The following NBPF26 variants were observed in gnomAD, a reference collection of about 807,000 sequenced individuals.
The protein encoded by NBPF26 is NBPF family member NBPF26.
NBPF26 carries 79 observed loss-of-function variants against 119.6 expected under a neutral mutation model. The observed-to-expected ratio is 0.66, with a 90% CI of 0.55 to 0.80. The LOEUF is 0.80. Among genes scored for constraint, NBPF26 ranks in the 30% least tolerant of loss-of-function variants. NBPF26 has a pLI of 0.00. For missense variants in NBPF26, 800 were observed against 1,198.2 expected, an observed-to-expected ratio of 0.67 and a Z score of 4.91; for synonymous variants, 299 against 457.7, an observed-to-expected ratio of 0.65 and a Z score of 4.43.
rs1197475410 is a variant in NBPF26 at position 120,811,139 on chromosome 1, T to C, written c.1564+581T>C. Among the ~76,000 whole-genome samples the C allele has an allele frequency of 3.8e-5, 4 of 105,422 alleles. 1 individual carries two copies. Among genetic ancestry groups the C allele is most frequent in the Non-Finnish European group, 7.2e-5 (4 of 55,574 alleles). 69.2% of individuals were successfully genotyped at this position (105,422 alleles called of 152,430 possible). A position where few individuals can be genotyped will look rare whatever the true frequency, so the allele number is the denominator to read the frequency against. Reference sequence around the variant, plus strand: ...GGTGGGTGCCTGTAGTCCCAGCTACTCAGGAGGCTGAGGCAGGAGAATGGC... The same window carrying C: ...GGTGGGTGCCTGTAGTCCCAGCTACCCAGGAGGCTGAGGCAGGAGAATGGC... On this transcript the variant is annotated intron_variant, in intron 9 of 29. Coordinates refer to ENST00000620612, the Ensembl canonical transcript of NBPF26.
At chr1:120,791,461 T>C (rs1209427056) in intron 3 of NBPF26, among the ~76,000 whole-genome samples, 1 of 101,858 alleles carries the variant, frequency 9.8e-6, no homozygotes, top group Non-Finnish European at 1.8e-5. Context: ...GGAATACTAT[T>C]CAGCCATAAA....
At chr1:120,810,220 G>A in intron 8 of NBPF26, 127 bp from the exon 9 acceptor site, 1 of 1,142,386 alleles carries the variant, frequency 8.8e-7, no homozygotes, top group Non-Finnish European at 1.2e-6. Flanking sequence ...TCCTCTTTAA[G>A]GGAACCTCCG....
At chr1:120,805,510 T>C (rs1651658861) in intron 4 of NBPF26, 46 bp from the exon 5 acceptor site, 4 of 1,268,886 alleles carry the variant, frequency 3.2e-6, no homozygotes, top group Non-Finnish European at 4.4e-6. Context: ...CCGATTTGAT[T>C]TCACCAGTTT....
At chr1:120,732,894 T>C (rs1650879745) in intron 1 of NBPF26, among the ~76,000 whole-genome samples, 1 of 107,840 alleles carries the variant, frequency 9.3e-6, no homozygotes, top group East Asian at 2.1e-4. Context: ...TTACAGATAA[T>C]TAACTCGTAT....
In NBPF26 at chr1:120,840,607, A is replaced by T; in HGVS notation, c.*14A>T. ...TTCCCACAATAAGCAGCCCTTACTA[A>T]GCCGAGAGGTGTCATTCCTGCAGGC... is the stretch of plus-strand genomic sequence containing the variant. On this transcript the variant is annotated 3_prime_UTR_variant, in exon 30 of 30. Coordinates refer to ENST00000620612, the Ensembl canonical transcript of NBPF26. 4.8e-6 allele frequency: 7 copies of T among 1,460,014 alleles called. 1 individual carries two copies. The highest frequency in any genetic ancestry group is 4.8e-4 in the Middle Eastern group (2 of 4,158). The allele number at this position is 1,460,014 out of a possible 1,614,324, so 90.4% of individuals were successfully genotyped here.
exon 30 of NBPF26, chr1:120,840,542 G>T: frequency 1.4e-6 from 2 of 1,468,548 alleles, no homozygotes; most frequent in Admixed American, 1.8e-5. Flanking sequence ...TTACTTTGAC[G>T]GTGACAAGTC....
chr1:120,814,430 C>T (rs1553271444), intron 11 of NBPF26, among the ~76,000 whole-genome samples: 6 of 108,106 alleles, frequency 5.6e-5, no homozygotes, highest in East Asian at 2.1e-4. Flanking sequence ...CTTTTCAATT[C>T]GCCCCATCTG....
At chr1:120,810,612 A>G (rs2101506097) in intron 9 of NBPF26, 54 bp downstream of exon 9, 3 of 1,351,162 alleles carry the variant, frequency 2.2e-6, no homozygotes, top group East Asian at 2.3e-5. Flanking sequence ...TGGAAGGTCA[A>G]TTCTGAGGAC....
At position 120,840,318 on chromosome 1, in the gene NBPF26, G is replaced by T. The variant is rs1553273389; in HGVS notation, c.4104-32G>T. Reference sequence around the variant, plus strand: ...GGCTCTGTGGTGTCCGATTTTCCCTGGCTGCTTCTTTAGTTTTGTCTCCTT... The same window carrying T: ...GGCTCTGTGGTGTCCGATTTTCCCTTGCTGCTTCTTTAGTTTTGTCTCCTT... On this transcript the variant is annotated intron_variant, in intron 29 of 29. Coordinates refer to ENST00000620612, the Ensembl canonical transcript of NBPF26. The T allele has an allele frequency of 2.3e-4, 329 of 1,443,492 alleles. 74 individuals carry two copies. Among genetic ancestry groups the T allele is most frequent in the Non-Finnish European group, 2.7e-4 (290 of 1,082,322 alleles). 89.4% of individuals were successfully genotyped at this position (1,443,492 alleles called of 1,614,324 possible).
At chr1:120,812,174 A>T in intron 10 of NBPF26, 79 bp downstream of exon 10, 1 of 914,384 alleles carries the variant, frequency 1.1e-6, no homozygotes, top group Non-Finnish European at 1.7e-6. Context: ...TGCTCTCTCC[A>T]TCAAAAATAA....
rs144324257 is a variant in NBPF26, at chr1:120,840,516, G to A, written c.4270G>A (p.Val1424Met). 1.7e-4 allele frequency: 256 copies of A among 1,474,390 alleles called. 47 individuals are homozygous for A. Among genetic ancestry groups the A allele is most frequent in the Admixed American group, 5.3e-4 (29 of 54,986 alleles). 91.3% of individuals were successfully genotyped at this position (1,474,390 alleles called of 1,614,324 possible). A position where few individuals can be genotyped will look rare whatever the true frequency, so the allele number is the denominator to read the frequency against. Residue 1424 changes from valine to methionine, a missense_variant, in exon 30 of 30, where the codon GTG becomes ATG. This residue lies in a region of NBPF26 where 155 missense variants were observed against 95.9 expected (regional missense o/e 1.62). Coordinates refer to ENST00000620612, the Ensembl canonical transcript of NBPF26. Reference sequence around the variant, plus strand: ...AGAGCATATCAGCTTCGCCCTTTACGTGGACAATAGGTTTTTTACTTTGAC... The same window carrying A: ...AGAGCATATCAGCTTCGCCCTTTACATGGACAATAGGTTTTTTACTTTGAC...
chr1:120,795,948 GTA>G (rs1244696146), intron 4 of NBPF26, among the ~76,000 whole-genome samples: 2,290 of 21,232 alleles, frequency 0.11, 483 homozygotes, highest in African/African-American at 0.34. Flanking sequence ...GTGTGTGTGT[GTA>G]TATGCCGTTG....
intron 4 of NBPF26, among the ~76,000 whole-genome samples, chr1:120,794,224 T>G (rs1431964867): frequency 8.7e-6 from 1 of 114,424 alleles, no homozygotes; most frequent in Non-Finnish European, 1.7e-5. Context: ...AAGATAGAAA[T>G]AAAAAGAGGA....
chr1:120,788,055 CTTCA>C (rs1651442480), intron 3 of NBPF26, among the ~76,000 whole-genome samples: 1 of 71,812 alleles, frequency 1.4e-5, no homozygotes, highest in African/African-American at 1.3e-4. Context: ...AGGCCCAAAC[CTTCA>C]TTCATCCAGG....
chr1:120,724,138 G>T (rs1357506191), exon 1 of NBPF26: 2 of 1,363,620 alleles, frequency 1.5e-6, no homozygotes, highest in Non-Finnish European at 1.9e-6. Flanking sequence ...AGGCGGCGGC[G>T]GCGGCGGCGG....
At chr1:120,728,034 T>A (rs1650834813) in intron 1 of NBPF26, among the ~76,000 whole-genome samples, 2 of 118,884 alleles carry the variant, frequency 1.7e-5, no homozygotes, top group East Asian at 4.1e-4. Context: ...CAATTAGAGT[T>A]GAGACTAGAA....
At chr1:120,807,165 AC>A (rs1188135334) in intron 5 of NBPF26, among the ~76,000 whole-genome samples, 1 of 128,468 alleles carries the variant, frequency 7.8e-6, no homozygotes, top group Non-Finnish European at 1.6e-5. Flanking sequence ...AAAGTCCTTG[AC>A]ATATTTGTCC....
In NBPF26 at chr1:120,814,720, C is replaced by G. The variant is rs1651967470; in HGVS notation, c.1878-109C>G. On this transcript the variant is annotated intron_variant, in intron 11 of 29. Coordinates refer to ENST00000620612, the Ensembl canonical transcript of NBPF26. ...ATTCCTTTAAACATGTGCTGACCTT[C>G]TGCTTCGAGGTCTCCTTGAGGACAT... 1.1e-5 allele frequency: 7 copies of G among 644,288 alleles called. 1 individual carries two copies. In the South Asian group the frequency reaches 1.2e-4, roughly 11 times the overall value. The allele number at this position is 644,288 out of a possible 1,614,324, so 39.9% of individuals were successfully genotyped here.
chr1:120,756,689 G>A (rs1651084617), intron 1 of NBPF26, among the ~76,000 whole-genome samples: 1 of 116,954 alleles, frequency 8.6e-6, no homozygotes, highest in Non-Finnish European at 1.6e-5. Flanking sequence ...TAAAACAAAG[G>A]GAGGCTTTTA....
Sources: gnomAD v4.1 joint callset for allele counts (sites outside exome capture counted in the v4.1 genomes callset) on GRCh38, gnomAD v4.1.1 for gene constraint, gnomAD v4.1.1 regional missense constraint, MANE v1.5 for transcripts, NCBI Gene and HGNC (gene_info 2026-07-23, HGNC 2026-07-21) for gene names.